The following FREM3 variants were observed in gnomAD, a reference collection of about 807,000 sequenced individuals.
FREM3 encodes the protein FRAS1-related extracellular matrix protein 3.
Under a neutral mutation model 129.1 loss-of-function variants are expected in FREM3, and 105 were observed. The observed-to-expected ratio is 0.81, with a 90% confidence interval of 0.69 to 0.96. The LOEUF (loss-of-function observed/expected upper bound fraction) is 0.96, where lower values mean the gene tolerates loss of function less well. FREM3 is among the 40% of genes least tolerant of loss of function. FREM3 has a pLI of 0.00. For synonymous variants in FREM3, 1,014 were observed against 1,044.9 expected (o/e 0.97, Z 0.57); for missense variants, 2,593 against 2,666.3 (o/e 0.97, Z 0.61).
intron 6 of FREM3, among the ~76,000 whole-genome samples, chr4:143,597,524 C>T (rs1738504743): frequency 1.3e-5 from 2 of 152,172 alleles, no homozygotes; most frequent in South Asian, 4.1e-4. Flanking sequence ...GCTCTTCTTT[C>T]TCAGAACTGT....
chr4:143,664,878 A>T (rs998359593), intron 2 of FREM3, among the ~76,000 whole-genome samples: 1 of 152,186 alleles, frequency 6.6e-6, no homozygotes, highest in Non-Finnish European at 1.5e-5. Context: ...CCGTGGGCGT[A>T]GGACCCTCCA....
intron 2 of FREM3, among the ~76,000 whole-genome samples, chr4:143,660,702 C>T (rs1739697295): frequency 6.6e-6 from 1 of 152,100 alleles, no homozygotes; most frequent in Non-Finnish European, 1.5e-5. Context: ...GATATTGATT[C>T]TTCCTACCCA....
intron 2 of FREM3, among the ~76,000 whole-genome samples, chr4:143,644,058 A>G (rs894318139): frequency 1.3e-5 from 2 of 152,200 alleles, no homozygotes; most frequent in African/African-American, 4.8e-5. Flanking sequence ...AATTTAACAT[A>G]GGATACTGTT....
chr4:143,635,661 A>G (rs114603241), intron 2 of FREM3, among the ~76,000 whole-genome samples: 50 of 152,324 alleles, frequency 3.3e-4, no homozygotes, highest in Non-Finnish European at 6.0e-4. Context: ...TCTGATACAA[A>G]TCTTCATATA....
intron 6 of FREM3, among the ~76,000 whole-genome samples, chr4:143,595,528 G>A (rs1306980469): frequency 6.6e-6 from 1 of 152,160 alleles, no homozygotes; most frequent in Non-Finnish European, 1.5e-5. Flanking sequence ...TTTTTGGTAT[G>A]ACAGGGCCTC....
At chr4:143,677,483 G>T (rs1229742213) in intron 2 of FREM3, among the ~76,000 whole-genome samples, 1 of 152,188 alleles carries the variant, frequency 6.6e-6, no homozygotes, top group Non-Finnish European at 1.5e-5. Context: ...ATAGGCATGG[G>T]CAAGGACTTC....
intron 6 of FREM3, among the ~76,000 whole-genome samples, chr4:143,596,837 C>T (rs1003216502): frequency 6.6e-6 from 1 of 151,976 alleles, no homozygotes; most frequent in African/African-American, 2.4e-5. Flanking sequence ...TTGTGGGAGG[C>T]TGAGGTGGGA....
chr4:143,677,233 A>G (rs1355825169), intron 2 of FREM3, among the ~76,000 whole-genome samples: 2 of 152,206 alleles, frequency 1.3e-5, no homozygotes, highest in Non-Finnish European at 2.9e-5. Context: ...CTCAGAAATA[A>G]TACCACACAT....
At chr4:143,681,641 TC>T (rs1740252028) in intron 2 of FREM3, among the ~76,000 whole-genome samples, 1 of 152,118 alleles carries the variant, frequency 6.6e-6, no homozygotes, top group African/African-American at 2.4e-5. Flanking sequence ...AACACATAAA[TC>T]CACCACATTG....
At chr4:143,638,305 A>C (rs1036099950) in intron 2 of FREM3, among the ~76,000 whole-genome samples, 1 of 152,124 alleles carries the variant, frequency 6.6e-6, no homozygotes, top group African/African-American at 2.4e-5. Flanking sequence ...AGAAGCTTTC[A>C]ATTAGTAGCA....
At chr4:143,662,439 T>A (rs1270082088) in intron 2 of FREM3, among the ~76,000 whole-genome samples, 2 of 152,190 alleles carry the variant, frequency 1.3e-5, no homozygotes, top group Non-Finnish European at 2.9e-5. Context: ...TTGATTGCAC[T>A]GTGGTCTGAG....
At chr4:143,590,035 C>G (rs1323053927) in intron 6 of FREM3, among the ~76,000 whole-genome samples, 6 of 151,576 alleles carry the variant, frequency 4.0e-5, no homozygotes, top group South Asian at 2.1e-4. Flanking sequence ...TGATTTGGCT[C>G]TCTGTCTGTT....
intron 4 of FREM3, among the ~76,000 whole-genome samples, chr4:143,621,980 A>G (rs1299383642): frequency 1.3e-5 from 2 of 152,046 alleles, no homozygotes; most frequent in Non-Finnish European, 2.9e-5. Flanking sequence ...TGCAGTAACT[A>G]TCTATGAAAC....
At chr4:143,669,718 A>G (rs998928190) in intron 2 of FREM3, among the ~76,000 whole-genome samples, 15 of 151,930 alleles carry the variant, frequency 9.9e-5, no homozygotes, top group African/African-American at 3.1e-4. Context: ...TTGTATACAA[A>G]CATCAGCTTC....
chr4:143,582,374 A>G (rs1329410191), intron 7 of FREM3, among the ~76,000 whole-genome samples: 1 of 152,088 alleles, frequency 6.6e-6, no homozygotes, highest in Non-Finnish European at 1.5e-5. Context: ...CACGCCATCT[A>G]CTAGATCACA....
chr4:143,626,935 AG>A (rs1450180160), intron 3 of FREM3, among the ~76,000 whole-genome samples: 2 of 152,202 alleles, frequency 1.3e-5, no homozygotes, highest in African/African-American at 4.8e-5. Context: ...TCTTCTTAAT[AG>A]ATTATGTAAA....
At chr4:143,623,905 T>C (rs1349318686) in intron 4 of FREM3, among the ~76,000 whole-genome samples, 1 of 152,224 alleles carries the variant, frequency 6.6e-6, no homozygotes, top group Non-Finnish European at 1.5e-5. Flanking sequence ...AGATCCTCTC[T>C]ATTTTAATCG....
At chr4:143,635,092 CT>C (rs1446800960) in intron 2 of FREM3, among the ~76,000 whole-genome samples, 3 of 152,070 alleles carry the variant, frequency 2.0e-5, no homozygotes, top group African/African-American at 7.2e-5. Context: ...AAGTCAGGGA[CT>C]TTGTGTAGCT....
Position 143,609,076 on chromosome 4 carries a change from A to G in FREM3, c.6028+2203T>C, listed in dbSNP as rs1280793829. Among the ~76,000 whole-genome samples the G allele has an allele frequency of 3.9e-5, 6 of 152,120 alleles. No homozygotes were observed. In the East Asian group the frequency reaches 7.7e-4, roughly 20 times the overall value. ...GGAAAGGGTTCCTAGAGACAACCCA[A>G]TCAATCTCCTTATTTCAAGATTGGG... On this transcript the variant is annotated intron_variant, in intron 6 of 7. Transcript: ENST00000329798.
Sources: allele counts gnomAD v4.1 joint callset (sites outside exome capture counted in the v4.1 genomes callset), GRCh38; gene constraint gnomAD v4.1.1; transcripts MANE v1.5; gene names NCBI Gene and HGNC (gene_info 2026-07-23, HGNC 2026-07-21).